Variants in BCAS1 observed in about 807,000 individuals in gnomAD.
BCAS1 encodes brain enriched myelin associated protein 1.
BCAS1 carries 46 observed loss-of-function variants against 65.4 expected under a neutral mutation model. The observed-to-expected ratio is 0.70, with a 90% CI of 0.55 to 0.90. BCAS1 has a LOEUF of 0.90. Ranked by LOEUF, BCAS1 falls within the 40% of genes least tolerant of loss-of-function variation. The pLI, the probability that BCAS1 is intolerant of heterozygous loss-of-function variation, is 0.00. For synonymous variants in BCAS1, 298 were observed against 293.5 expected (o/e 1.02, Z -0.16); for missense variants, 793 against 771.2 (o/e 1.03, Z -0.33).
At chr20:54,058,185 A>C (rs535566673) in intron 2 of BCAS1, 31 bp from the exon 3 acceptor site, 2 of 1,599,700 alleles carry the variant, frequency 1.3e-6, no homozygotes, top group East Asian at 2.2e-5. Context: ...TTGTGAGACA[A>C]ATCTTCGGGG....
In BCAS1 at chr20:54,012,752, C is replaced by T. The variant is rs566928119; in HGVS notation, c.723+15640G>A. On this transcript the variant is annotated intron_variant, in intron 4 of 12. Coordinates refer to ENST00000688948, the MANE Select transcript of BCAS1 (RefSeq NM_001366298.2). ...AAAAGATCCCGTTTAATTCTTACAA[C>T]GATCCCATGAAGCATGCACTGTTTG... Among the ~76,000 whole-genome samples the T allele has an allele frequency of 8.5e-5, 13 of 152,282 alleles. 2 individuals carry two copies. In the East Asian group the frequency reaches 1.5e-3, roughly 18 times the overall value.
chr20:54,020,675 T>G (rs945113946), intron 4 of BCAS1, among the ~76,000 whole-genome samples: 1 of 152,222 alleles, frequency 6.6e-6, no homozygotes, highest in African/African-American at 2.4e-5. Context: ...TAAAAAATGG[T>G]CACGTCTCTT....
At chr20:54,058,532 A>G in intron 2 of BCAS1, 115 bp downstream of exon 2, 1 of 1,498,582 alleles carries the variant, frequency 6.7e-7, no homozygotes, top group Non-Finnish European at 8.8e-7. Flanking sequence ...TCTTGCACAC[A>G]CAGACACAAT....
chr20:53,960,020 T>C (rs1286345856), intron 10 of BCAS1, among the ~76,000 whole-genome samples: 1 of 152,210 alleles, frequency 6.6e-6, no homozygotes, highest in Non-Finnish European at 1.5e-5. Context: ...ATTCGGGCTG[T>C]GTCGTAAGAG....
At chr20:53,989,073 G>C (rs2090686544) in intron 7 of BCAS1, among the ~76,000 whole-genome samples, 2 of 152,314 alleles carry the variant, frequency 1.3e-5, no homozygotes, top group South Asian at 4.1e-4. Flanking sequence ...AACATGGTCT[G>C]TGTCTCCCCT....
At chr20:54,029,027 C>G (rs2091744423) in intron 3 of BCAS1, 55 bp from the exon 4 acceptor site, 1 of 1,538,304 alleles carries the variant, frequency 6.5e-7, no homozygotes, top group Non-Finnish European at 8.7e-7. Flanking sequence ...AATTCAGGCA[C>G]TAATAATGGA....
chr20:53,974,894 G>T (rs927051283), intron 9 of BCAS1, among the ~76,000 whole-genome samples: 4 of 152,198 alleles, frequency 2.6e-5, no homozygotes, highest in Non-Finnish European at 5.9e-5. Context: ...TATCTCAGAG[G>T]TAGACCCGTC....
chr20:54,003,138 G>A (rs1032687891), intron 4 of BCAS1, among the ~76,000 whole-genome samples: 3 of 147,624 alleles, frequency 2.0e-5, no homozygotes, highest in Non-Finnish European at 3.0e-5. Flanking sequence ...GGTATAATTC[G>A]TTGTGAGTTT....
In BCAS1 at chr20:53,953,640, G is replaced by A; in HGVS notation, c.1607C>T (p.Ala536Val). 6.2e-7 allele frequency: 1 copy of A among 1,613,904 alleles called. No individual in the cohort carries two copies. ...GGAGCCCTCTTTACCCTTCTGTGGT[G>A]CTCCTGTTGGTTCAGGCTCTGGCGG... ...ITPPEPEPTGAPQKGKEGSSK... is the reference protein window; with the variant it reads ...ITPPEPEPTGVPQKGKEGSSK... The change falls in exon 12 of 13, where the codon GCA (alanine) becomes GTA (valine). Residue 536 changes from alanine to valine, a missense_variant. Ala to Val is a moderately conservative substitution (Grantham distance 64, BLOSUM62 0). Coordinates refer to ENST00000688948, the MANE Select transcript of BCAS1 (RefSeq NM_001366298.2).
intron 3 of BCAS1, among the ~76,000 whole-genome samples, chr20:54,043,764 C>T (rs747272242): frequency 1.3e-5 from 2 of 152,154 alleles, no homozygotes; most frequent in Admixed American, 1.3e-4. Flanking sequence ...ACAGAAACTG[C>T]ACATCTAACC....
chr20:54,065,267 A>G (rs1165667127), intron 1 of BCAS1, among the ~76,000 whole-genome samples: 2 of 148,226 alleles, frequency 1.3e-5, no homozygotes, highest in Non-Finnish European at 1.5e-5. Flanking sequence ...ATATATCTAT[A>G]TTTCATATTT....
At chr20:54,034,658 T>G (rs2091864885) in intron 3 of BCAS1, among the ~76,000 whole-genome samples, 1 of 151,256 alleles carries the variant, frequency 6.6e-6, no homozygotes, top group Non-Finnish European at 1.5e-5. Context: ...GGAAAAACAT[T>G]CCATGTTCAT....
chr20:54,032,544 A>C (rs925828817), intron 3 of BCAS1, among the ~76,000 whole-genome samples: 16 of 151,292 alleles, frequency 1.1e-4, no homozygotes, highest in African/African-American at 3.6e-4. Flanking sequence ...TGGATAAAGA[A>C]CCAAGAACCA....
At chr20:53,957,301 A>G in intron 11 of BCAS1, 131 bp downstream of exon 11, 1 of 790,326 alleles carries the variant, frequency 1.3e-6, no homozygotes, top group Non-Finnish European at 2.2e-6. Context: ...AGTTCTTGGC[A>G]TATAGTAGGT....
chr20:53,986,637 C>T (rs2090622239), intron 7 of BCAS1, among the ~76,000 whole-genome samples: 1 of 152,096 alleles, frequency 6.6e-6, no homozygotes. Context: ...TGGCCCAACA[C>T]TTGTAATCCC....
chr20:53,954,294 G>GGAGAGAGAGAGAGAGAGAGAGAGA (rs71196437), intron 11 of BCAS1, among the ~76,000 whole-genome samples: 3 of 125,914 alleles, frequency 2.4e-5, no homozygotes, highest in African/African-American at 9.5e-5. Context: ...GCTGAGAAAT[G>GGAGAGAGAGAGAGAGAGAGAGAGA]GAGAGAGAGA....
At chr20:53,955,656 G>T (rs1437775436) in intron 11 of BCAS1, among the ~76,000 whole-genome samples, 4 of 152,188 alleles carry the variant, frequency 2.6e-5, no homozygotes, top group African/African-American at 9.7e-5. Context: ...AGCAATAAAA[G>T]AAATGACACC....
rs140615055 is a variant in BCAS1, at chr20:53,952,252, G to C, written c.1815+1180C>G. 9.6e-3 allele frequency among the ~76,000 whole-genome samples: 1,457 copies of C among 152,344 alleles called. 15 individuals are homozygous for C. The highest frequency in any genetic ancestry group is 0.014 in the Non-Finnish European group (944 of 68,038). On this transcript the variant is annotated intron_variant, in intron 12 of 12. Transcript: ENST00000688948. Reference sequence around the variant, plus strand: ...TTCCTTTGTCTATCAAGCACCTGCTGTTTATGCAGTCCTATTTCAAGTCCT... The same window carrying C: ...TTCCTTTGTCTATCAAGCACCTGCTCTTTATGCAGTCCTATTTCAAGTCCT...
At chr20:53,963,236 C>A (rs1458392717) in intron 10 of BCAS1, among the ~76,000 whole-genome samples, 2 of 151,772 alleles carry the variant, frequency 1.3e-5, no homozygotes, top group Non-Finnish European at 1.5e-5. Flanking sequence ...AATCCCAGCA[C>A]TTTGGGAGTC....
Sources: allele counts gnomAD v4.1 joint callset (sites outside exome capture counted in the v4.1 genomes callset), GRCh38; gene constraint gnomAD v4.1.1; transcripts MANE v1.5; gene names NCBI Gene and HGNC (gene_info 2026-07-23, HGNC 2026-07-21).